The following ELAVL4 variants were observed in gnomAD, a reference collection of about 807,000 sequenced individuals.
ELAVL4 encodes the protein ELAV like RNA binding protein 4, also known as ELAV-like protein 4.
ELAVL4 carries 1 observed loss-of-function variant against 35.6 expected under a neutral mutation model. The ratio of observed to expected loss-of-function variants is 0.03; its 90% CI spans 0.01 to 0.13. The LOEUF is 0.13. Among genes scored for constraint, ELAVL4 ranks in the 10% least tolerant of loss-of-function variants. The pLI is 1.00. For synonymous variants in ELAVL4, 156 were observed against 171.0 expected (o/e 0.91, Z 0.69); for missense variants, 267 against 464.9 (o/e 0.57, Z 3.91).
At chr1:50,070,993 T>C (rs2148486989) in intron 1 of ELAVL4, among the ~76,000 whole-genome samples, 1 of 152,242 alleles carries the variant, frequency 6.6e-6, no homozygotes, top group Admixed American at 6.5e-5. Flanking sequence ...TCACTGGCCC[T>C]CTTGCTCTTG....
chr1:50,111,450 G>C (rs866477944), intron 1 of ELAVL4, among the ~76,000 whole-genome samples: 2 of 152,066 alleles, frequency 1.3e-5, no homozygotes, highest in Non-Finnish European at 2.9e-5. Flanking sequence ...AGGTAGAATA[G>C]ATCTACCCTA....
chr1:50,126,895 A>G (rs1171780124), intron 1 of ELAVL4, among the ~76,000 whole-genome samples: 2 of 152,066 alleles, frequency 1.3e-5, no homozygotes, highest in East Asian at 3.9e-4. Context: ...GAAACTTTAA[A>G]TATTTTTTTC....
chr1:50,203,342 G>C lies in ELAVL4; in HGVS notation c.*2164G>C, dbSNP rs539929684. On this transcript the variant is annotated 3_prime_UTR_variant, in exon 7 of 7. Transcript: ENST00000371824. ...GTGGTAGACAGATAACGAATACCAA[G>C]GCTGCATCATAGACTCCTCCTTTAA... is the stretch of plus-strand genomic sequence containing the variant. The C allele has an allele frequency of 6.6e-6, 1 of 152,182 alleles. No individual in the cohort carries two copies. Among genetic ancestry groups the C allele is most frequent in the Non-Finnish European group, 1.5e-5 (1 of 67,998 alleles). 9.4% of individuals were successfully genotyped at this position (152,182 alleles called of 1,614,324 possible). A position where few individuals can be genotyped will look rare whatever the true frequency, so the allele number is the denominator to read the frequency against.
At chr1:50,146,048 C>T (rs1180176386) in intron 2 of ELAVL4, among the ~76,000 whole-genome samples, 2 of 152,174 alleles carry the variant, frequency 1.3e-5, no homozygotes, top group African/African-American at 4.8e-5. Flanking sequence ...TCTGATACTC[C>T]ACTCCTGAAA....
intron 1 of ELAVL4, among the ~76,000 whole-genome samples, chr1:50,113,031 T>C (rs1667336315): frequency 6.6e-6 from 1 of 152,124 alleles, no homozygotes; most frequent in Non-Finnish European, 1.5e-5. Flanking sequence ...CACTTTGGAC[T>C]TCAGATATTT....
intron 3 of ELAVL4, among the ~76,000 whole-genome samples, chr1:50,190,962 C>G (rs940627383): frequency 4.6e-5 from 7 of 152,228 alleles, no homozygotes; most frequent in Non-Finnish European, 1.0e-4. Context: ...CTCAGCTCAG[C>G]TGTGTCTCCT....
chr1:50,122,949 T>G (rs572264937), intron 1 of ELAVL4, among the ~76,000 whole-genome samples: 38 of 152,022 alleles, frequency 2.5e-4, no homozygotes, highest in Non-Finnish European at 4.4e-4. Context: ...GACTTACTAT[T>G]TGGTAGTCTG....
At chr1:50,048,956 G>T (rs1178031586) in intron 1 of ELAVL4, among the ~76,000 whole-genome samples, 1 of 152,124 alleles carries the variant, frequency 6.6e-6, no homozygotes, top group Admixed American at 6.5e-5. Flanking sequence ...ACCTGCAGGA[G>T]ACTCATTTGT....
Position 50,109,080 on chromosome 1 carries a change from T to C in ELAVL4, c.-110T>C. 8.0e-7 allele frequency: 1 copy of C among 1,245,558 alleles called. No individual in the cohort carries two copies. The highest frequency in any genetic ancestry group is 1.0e-6 in the Non-Finnish European group (1 of 986,606). The allele number at this position is 1,245,558 out of a possible 1,614,324, so 77.2% of individuals were successfully genotyped here. The stretch of plus-strand genomic sequence containing the variant: ...AATCATCCACACTGTGTTTTGTGGA[T>C]CTTTAATTATATATAACAATAGTAG... On this transcript the variant is annotated 5_prime_UTR_variant, in exon 1 of 7. Transcript: ENST00000371824.
At chr1:50,188,775 T>C (rs759672284) in intron 3 of ELAVL4, among the ~76,000 whole-genome samples, 10 of 152,188 alleles carry the variant, frequency 6.6e-5, no homozygotes, top group Non-Finnish European at 1.3e-4. Context: ...ATTTCTTTTA[T>C]TGAAGCCTCC....
At position 50,201,343 on chromosome 1, in the gene ELAVL4, T is replaced by A; in HGVS notation, c.*165T>A. 1.4e-6 allele frequency: 1 copy of A among 704,838 alleles called. No individual in the cohort carries two copies. 43.7% of individuals were successfully genotyped at this position (704,838 alleles called of 1,614,324 possible). A position where few individuals can be genotyped will look rare whatever the true frequency, so the allele number is the denominator to read the frequency against. ...TTGCCTAAGTATTAAAACATTGGAT[T>A]ATCCTGAGGTGTACCAGGAAAGGAT... On this transcript the variant is annotated 3_prime_UTR_variant, in exon 7 of 7. Transcript: ENST00000371824. This position sits in a 1 kb window ranked among gnomAD's most constrained non-coding sequence, Gnocchi z 4.3.
intron 1 of ELAVL4, among the ~76,000 whole-genome samples, chr1:50,127,004 C>A (rs1184842989): frequency 4.0e-5 from 6 of 151,884 alleles, no homozygotes; most frequent in African/African-American, 1.5e-4. Context: ...GATGGCTACA[C>A]TCATCTAAAA....
chr1:50,051,564 A>G (rs1337014923), intron 1 of ELAVL4, among the ~76,000 whole-genome samples: 4 of 152,190 alleles, frequency 2.6e-5, no homozygotes, highest in Non-Finnish European at 4.4e-5. Context: ...GTATTTTAGA[A>G]ACATTTCCAT....
intron 2 of ELAVL4, among the ~76,000 whole-genome samples, chr1:50,167,360 G>A (rs560137712): frequency 1.3e-5 from 2 of 152,336 alleles, no homozygotes; most frequent in East Asian, 3.9e-4. Context: ...TACCATGATG[G>A]TGGATAAGGC....
At chr1:50,139,064 T>A (rs780592132) in intron 1 of ELAVL4, among the ~76,000 whole-genome samples, 9 of 152,216 alleles carry the variant, frequency 5.9e-5, no homozygotes, top group Non-Finnish European at 8.8e-5. Flanking sequence ...ATGCCTGGCA[T>A]ATAATAGGTG....
Position 50,193,770 on chromosome 1 carries a change from A to G in ELAVL4, c.360A>G (p.Ser120=), listed in dbSNP as rs1326424511. ...LRLQTKTIKV[S]YARPSSASIR... ...CTCCTCTTGCCTTTTCCTAGGTCTC[A>G]TATGCCCGTCCGAGCTCTGCCTCAA... Residue 120 remains serine (S), a synonymous_variant, in exon 4 of 7, where the codon TCA becomes TCG. Coordinates refer to ENST00000371824, the MANE Select transcript of ELAVL4 (RefSeq NM_001144774.3). 1 of 1,613,406 alleles carries G rather than the reference A, an allele frequency of 6.2e-7. No individual in the cohort carries two copies. Among genetic ancestry groups the G allele is most frequent in the East Asian group, 2.2e-5 (1 of 44,856 alleles).
At chr1:50,076,430 A>T (rs1402545949) in intron 1 of ELAVL4, among the ~76,000 whole-genome samples, 1 of 152,214 alleles carries the variant, frequency 6.6e-6, no homozygotes, top group East Asian at 1.9e-4. Context: ...TTGATCTCTT[A>T]CTGTGCTTAC....
chr1:50,075,649 C>A (rs193167337), intron 1 of ELAVL4, among the ~76,000 whole-genome samples: 96 of 152,300 alleles, frequency 6.3e-4, no homozygotes, highest in Middle Eastern at 3.4e-3. Flanking sequence ...TGGTCCTATA[C>A]TTACAATGGT....
chr1:50,124,598 A>G (rs1404069190), intron 1 of ELAVL4, among the ~76,000 whole-genome samples: 1 of 152,110 alleles, frequency 6.6e-6, no homozygotes, highest in Non-Finnish European at 1.5e-5. Context: ...GTAGGAATTA[A>G]TGAGAAACAT....
Sources: gnomAD v4.1 joint callset for allele counts (sites outside exome capture counted in the v4.1 genomes callset) on GRCh38, gnomAD v4.1.1 for gene constraint, Gnocchi (gnomAD v3.1) non-coding constraint, MANE v1.5 for transcripts, NCBI Gene and HGNC (gene_info 2026-07-23, HGNC 2026-07-21) for gene names.